XKR8: variants seen among roughly 807,000 people sequenced by gnomAD.
XKR8 encodes the protein XK related 8.
Under a neutral mutation model 17.1 loss-of-function variants are expected in XKR8, and 10 were observed. That is an observed-to-expected ratio of 0.59 (90% confidence interval 0.36 to 0.99). XKR8 has a LOEUF of 0.99. XKR8 is among the 50% of genes least tolerant of loss of function. The pLI is 0.01. For missense variants in XKR8, 411 were observed against 515.6 expected (o/e 0.80, Z 1.96); for synonymous variants, 213 against 251.9 (o/e 0.85, Z 1.46).
rs1445573582 is a variant in XKR8 at position 27,966,576 on chromosome 1, C to T, written c.564C>T (p.Cys188=). ...ACTACCACCGGGCCTTGCGCACCTG[C>T]CTCCCCTCCAAGCCGCTCCTGGGCC... is the stretch of plus-strand genomic sequence containing the variant. ...LLDYHRALRT[C]LPSKPLLGLG... is the part of the protein sequence containing the mutation. Residue 188 remains cysteine (C), a synonymous_variant, in exon 3 of 3, where the codon TGC becomes TGT. Transcript: ENST00000373884. This position sits in a 1 kb window ranked among gnomAD's most constrained non-coding sequence, Gnocchi z 4.3. 6.2e-7 allele frequency: 1 copy of T among 1,614,156 alleles called. No homozygotes were observed. Among genetic ancestry groups the T allele is most frequent in the South Asian group, 1.1e-5 (1 of 91,084 alleles).
intron 1 of XKR8, among the ~76,000 whole-genome samples, chr1:27,962,774 T>C (rs1412064733): frequency 6.6e-6 from 1 of 151,440 alleles, no homozygotes; most frequent in African/African-American, 2.4e-5. Context: ...AAAAATTCTT[T>C]GTAGAGATGG....
rs1638558341 is a variant in XKR8, at chr1:27,965,868, T to G, written c.491-635T>G. 6.6e-6 allele frequency among the ~76,000 whole-genome samples: 1 copy of G among 152,046 alleles called. No individual in the cohort carries two copies. On this transcript the variant is annotated intron_variant, in intron 2 of 2. Coordinates refer to ENST00000373884, the MANE Select transcript of XKR8 (RefSeq NM_018053.4). This position sits in a 1 kb window ranked among gnomAD's most constrained non-coding sequence, Gnocchi z 4.1. Reference sequence around the variant, plus strand: ...AGGCCCTTGTGCTTCTGCTCCAGGATTGGCAACCAGGAGGTGGGATAGGAC... The same window carrying G: ...AGGCCCTTGTGCTTCTGCTCCAGGAGTGGCAACCAGGAGGTGGGATAGGAC...
chr1:27,963,614 G>A lies in XKR8; in HGVS notation c.411G>A (p.Glu137=), dbSNP rs1257748514. 2 of 1,613,732 alleles carry A rather than the reference G, an allele frequency of 1.2e-6. No homozygotes were observed. The highest frequency in any genetic ancestry group is 1.3e-5 in the African/African-American group (1 of 74,944). Residue 137 remains glutamate, a synonymous_variant, in exon 2 of 3, where the codon GAG becomes GAA. Transcript: ENST00000373884. ...ALDISMLRLF[E]TFLETAPQLT... ...ACATCAGCATGCTGCGGCTCTTCGAGACCTTCTTGGAGACGGCACCACAGC... is the reference window on the plus strand; with the variant it reads ...ACATCAGCATGCTGCGGCTCTTCGAAACCTTCTTGGAGACGGCACCACAGC...
rs572993046 is a variant in XKR8 at position 27,965,979 on chromosome 1, T to TG, written c.491-520dup. Among the ~76,000 whole-genome samples, 564 of 151,174 alleles carry TG rather than the reference T, an allele frequency of 3.7e-3. 8 individuals carry two copies. Among genetic ancestry groups the TG allele is most frequent in the Middle Eastern group, 3.4e-3 (1 of 294 alleles). On this transcript the variant is annotated intron_variant, in intron 2 of 2. Coordinates refer to ENST00000373884, the MANE Select transcript of XKR8 (RefSeq NM_018053.4). The surrounding 1 kb of genome is among the most constrained non-coding windows in gnomAD (Gnocchi z 4.1). ...GGTCTTGGAGGGGAGGGGAGGGGAGTGGGGAGACCTTCTGTCCACACAGCA... is the reference window on the plus strand; with the variant it reads ...GGTCTTGGAGGGGAGGGGAGGGGAGTGGGGGAGACCTTCTGTCCACACAGCA...
Position 27,967,368 on chromosome 1 carries a change from C to G in XKR8, c.*168C>G, listed in dbSNP as rs3210305. 1 of 682,516 alleles carries G rather than the reference C, an allele frequency of 1.5e-6. No individual in the cohort carries two copies. Among genetic ancestry groups the G allele is most frequent in the Non-Finnish European group, 2.3e-6 (1 of 432,676 alleles). 42.3% of individuals were successfully genotyped at this position (682,516 alleles called of 1,614,324 possible). A position where few individuals can be genotyped will look rare whatever the true frequency, so the allele number is the denominator to read the frequency against. Reference sequence around the variant, plus strand: ...CCGGGCACCAGGGATGGTGCTGAGTCGGGCAGAGGCCTCCTTTCAAGGAGT... The same window carrying G: ...CCGGGCACCAGGGATGGTGCTGAGTGGGGCAGAGGCCTCCTTTCAAGGAGT... On this transcript the variant is annotated 3_prime_UTR_variant, in exon 3 of 3. Transcript: ENST00000373884. The surrounding 1 kb of genome is among the most constrained non-coding windows in gnomAD (Gnocchi z 4.3).
In XKR8 at chr1:27,960,267, C is replaced by T. The variant is rs1163309592; in HGVS notation, c.198C>T (p.Leu66=). 1.3e-6 allele frequency: 2 copies of T among 1,521,192 alleles called. No homozygotes were observed. The highest frequency in any genetic ancestry group is 1.8e-6 in the Non-Finnish European group (2 of 1,141,236). 94.2% of individuals were successfully genotyped at this position (1,521,192 alleles called of 1,614,324 possible). Residue 66 remains leucine, a synonymous_variant, in exon 1 of 3, where the codon CTC becomes CTT. Transcript: ENST00000373884. This position sits in a 1 kb window ranked among gnomAD's most constrained non-coding sequence, Gnocchi z 5.9. ...TGGCGCTGCAGCTCTTCAGCTGGCT[C>T]TGGCTGCGCGCTGACCCTGCCGGCC... is the stretch of plus-strand genomic sequence containing the variant. ...ASVALQLFSW[L]WLRADPAGLH...
chr1:27,960,010 C>G lies in XKR8; in HGVS notation c.-60C>G, dbSNP rs1050786931. On this transcript the variant is annotated 5_prime_UTR_variant, in exon 1 of 3. Coordinates refer to ENST00000373884, the MANE Select transcript of XKR8 (RefSeq NM_018053.4). The surrounding 1 kb of genome is among the most constrained non-coding windows in gnomAD (Gnocchi z 5.9). ...CACCTCCTTCCTGCCTCGGCAACCC[C>G]GGGCCCTGAGGGCAGGCCCCAACCG... 3.5e-5 allele frequency: 47 copies of G among 1,340,204 alleles called. No homozygotes were observed. The highest frequency in any genetic ancestry group is 2.8e-5 in the Non-Finnish European group (29 of 1,046,094). 83.0% of individuals were successfully genotyped at this position (1,340,204 alleles called of 1,614,324 possible).
At position 27,966,950 on chromosome 1, in the gene XKR8, GGATTCCACT is replaced by G. The variant is rs761222790; in HGVS notation, c.940_948del (p.Ile314_Leu316del). 27 of 1,614,192 alleles carry G rather than the reference GGATTCCACT, an allele frequency of 1.7e-5. No individual in the cohort carries two copies. Among genetic ancestry groups the G allele is most frequent in the Non-Finnish European group, 2.3e-5 (27 of 1,180,042 alleles). On this transcript the variant is annotated inframe_deletion, in exon 3 of 3. Coordinates refer to ENST00000373884, the MANE Select transcript of XKR8 (RefSeq NM_018053.4). This position sits in a 1 kb window ranked among gnomAD's most constrained non-coding sequence, Gnocchi z 4.3. ...ACTCATAGCTCCTGGCTGCCCAGCGGGATTCCACTGCAGCTGTGGCTGCCTGTGGGATGC... is the reference window on the plus strand; with the variant it reads ...ACTCATAGCTCCTGGCTGCCCAGCGGGCAGCTGTGGCTGCCTGTGGGATGC...
chr1:27,961,352 G>A (rs1366314637), intron 1 of XKR8, among the ~76,000 whole-genome samples: 1 of 152,198 alleles, frequency 6.6e-6, no homozygotes, highest in Non-Finnish European at 1.5e-5. Context: ...GGGATGGGGT[G>A]GCCAGGGCCA....
At chr1:27,962,006 A>G (rs1638478101) in intron 1 of XKR8, among the ~76,000 whole-genome samples, 2 of 152,122 alleles carry the variant, frequency 1.3e-5, no homozygotes, top group African/African-American at 4.8e-5. Flanking sequence ...AGCCTCTTAA[A>G]TGGGATCCCT....
In XKR8 at chr1:27,966,637, C is replaced by G; in HGVS notation, c.625C>G (p.Leu209Val). ...CGTGATCTACTTCCTGTGGAACCTG[C>G]TGCTGCTGTGGCCCCGAGTCCTGGC... ...SSVIYFLWNL[L>V]LLWPRVLAVA... is the part of the protein sequence containing the mutation. Residue 209 changes from leucine to valine, a missense_variant, in exon 3 of 3, where the codon CTG becomes GTG. Transcript: ENST00000373884. This position sits in a 1 kb window ranked among gnomAD's most constrained non-coding sequence, Gnocchi z 4.3. 1 of 1,614,156 alleles carries G rather than the reference C, an allele frequency of 6.2e-7. No homozygotes were observed. Among genetic ancestry groups the G allele is most frequent in the South Asian group, 1.1e-5 (1 of 91,086 alleles).
In XKR8 at chr1:27,965,064, C is replaced by T. The variant is rs1638542614; in HGVS notation, c.490+1371C>T. On this transcript the variant is annotated intron_variant, in intron 2 of 2. Transcript: ENST00000373884. The surrounding 1 kb of genome is among the most constrained non-coding windows in gnomAD (Gnocchi z 4.1). ...TCGAGTGCCAGCTATTAGCCAGGCC[C>T]TGTGGGAAGCACTTACAGTCATCAT... 6.6e-6 allele frequency among the ~76,000 whole-genome samples: 1 copy of T among 152,164 alleles called. No individual in the cohort carries two copies.
intron 1 of XKR8, among the ~76,000 whole-genome samples, chr1:27,962,957 C>G (rs989598995): frequency 1.6e-4 from 25 of 152,146 alleles, no homozygotes; most frequent in African/African-American, 6.0e-4. Flanking sequence ...GTAAACAGGA[C>G]AAGGTTTGTG....
chr1:27,962,995 G>A (rs113477867), intron 1 of XKR8, among the ~76,000 whole-genome samples: 1 of 152,176 alleles, frequency 6.6e-6, no homozygotes, highest in African/African-American at 2.4e-5. Flanking sequence ...CTTAGCCAGC[G>A]GGAGTAGAAG....
chr1:27,961,535 T>A (rs1319188568), intron 1 of XKR8, among the ~76,000 whole-genome samples: 1 of 152,220 alleles, frequency 6.6e-6, no homozygotes, highest in Non-Finnish European at 1.5e-5. Context: ...TGTTAAGTCC[T>A]GGGCAGGCCT....
rs1359262248 is a variant in XKR8, at chr1:27,960,792, G to T, written c.293+430G>T. On this transcript the variant is annotated intron_variant, in intron 1 of 2. Coordinates refer to ENST00000373884, the MANE Select transcript of XKR8 (RefSeq NM_018053.4). This position sits in a 1 kb window ranked among gnomAD's most constrained non-coding sequence, Gnocchi z 5.9. ...GAGCGAAAGAATGAGAAAGTGCCTC[G>T]CACAGTGCCTGGCCTGTAATGGCAG... 6.6e-6 allele frequency among the ~76,000 whole-genome samples: 1 copy of T among 152,206 alleles called. No homozygotes were observed. Among genetic ancestry groups the T allele is most frequent in the Non-Finnish European group, 1.5e-5 (1 of 68,034 alleles).
rs1571677609 is a variant in XKR8 at position 27,967,430 on chromosome 1, G to C, written c.*230G>C. ...AAGATGAGAAGGGCTGGGCCCTGGA[G>C]GGTCAAGAGCCCCAATTATGTACAA... On this transcript the variant is annotated 3_prime_UTR_variant, in exon 3 of 3. Transcript: ENST00000373884. The surrounding 1 kb of genome is among the most constrained non-coding windows in gnomAD (Gnocchi z 4.3). The C allele has an allele frequency of 2.1e-5, 9 of 438,992 alleles. No homozygotes were observed. In the South Asian group the frequency reaches 3.9e-4, roughly 19 times the overall value. 27.2% of individuals were successfully genotyped at this position (438,992 alleles called of 1,614,324 possible).
At chr1:27,963,350 C>T (rs539602527) in intron 1 of XKR8, 147 bp from the exon 2 acceptor site, 2 of 911,088 alleles carry the variant, frequency 2.2e-6, no homozygotes, top group African/African-American at 1.7e-5. Context: ...GAAACAAGTT[C>T]AGTGAGGTTA....
rs758172801 is a variant in XKR8 at position 27,963,514 on chromosome 1, G to A, written c.311G>A (p.Arg104Gln). 12 of 1,611,958 alleles carry A rather than the reference G, an allele frequency of 7.4e-6. No individual in the cohort carries two copies. The highest frequency in any genetic ancestry group is 1.7e-4 in the Middle Eastern group (1 of 6,010). Reference sequence around the variant, plus strand: ...GTGCCTAGGTGCGTGCAGGAGCTGCGGCAGGGGCTGCTGGTGTGGCAGCAG... The same window carrying A: ...GTGCCTAGGTGCGTGCAGGAGCTGCAGCAGGGGCTGCTGGTGTGGCAGCAG... ...GYLYRCVQEL[R>Q]QGLLVWQQEE... Residue 104 changes from arginine (R) to glutamine (Q), a missense_variant, in exon 2 of 3, where the codon CGG becomes CAG. Arg to Gln is a conservative substitution (Grantham distance 43, BLOSUM62 1). Coordinates refer to ENST00000373884, the MANE Select transcript of XKR8 (RefSeq NM_018053.4).
Sources: allele counts gnomAD v4.1 joint callset (sites outside exome capture counted in the v4.1 genomes callset), GRCh38; gene constraint gnomAD v4.1.1; non-coding constraint Gnocchi (gnomAD v3.1); transcripts MANE v1.5; gene names NCBI Gene and HGNC (gene_info 2026-07-23, HGNC 2026-07-21).